ZBTB46: variants seen among roughly 807,000 people sequenced by gnomAD.
ZBTB46 encodes zinc finger and BTB domain-containing protein 46.
In ZBTB46, 8 loss-of-function variants were observed where a neutral mutation model predicts 44.1. The observed-to-expected ratio is 0.18, with a 90% CI of 0.11 to 0.33. The LOEUF (loss-of-function observed/expected upper bound fraction) is 0.33, where lower values mean the gene tolerates loss of function less well. ZBTB46 is among the 10% of genes least tolerant of loss of function. The probability of loss-of-function intolerance (pLI) is 1.00; values close to 1 mark genes in which losing one functional copy is unlikely to be tolerated. For synonymous variants in ZBTB46, 409 were observed against 382.3 expected (o/e 1.07, Z -0.81); for missense variants, 651 against 847.7 (o/e 0.77, Z 2.88).
At chr20:63,793,697 C>T (rs1451338016) in intron 1 of ZBTB46, among the ~76,000 whole-genome samples, 1 of 152,152 alleles carries the variant, frequency 6.6e-6, no homozygotes, top group Non-Finnish European at 1.5e-5. Flanking sequence ...CGGTCCACAC[C>T]TCCACGTAAG....
chr20:63,779,218 T>TATTTA (rs145975619), intron 2 of ZBTB46, among the ~76,000 whole-genome samples: 2 of 101,894 alleles, frequency 2.0e-5, no homozygotes, highest in African/African-American at 3.3e-5. Flanking sequence ...CACCCAATTT[T>TATTTA]ATTTTATTTA....
intron 3 of ZBTB46, among the ~76,000 whole-genome samples, chr20:63,763,086 T>C (rs1441090458): frequency 6.6e-6 from 1 of 152,168 alleles, no homozygotes; most frequent in East Asian, 1.9e-4. Flanking sequence ...TCTCAAACTC[T>C]TGGCCCCAAG....
At chr20:63,833,415 C>T (rs1421656673), upstream of ZBTB46, among the ~76,000 whole-genome samples, 3 of 152,158 alleles carry the variant, frequency 2.0e-5, no homozygotes, top group Non-Finnish European at 4.4e-5. Flanking sequence ...CACGGTGAAA[C>T]CCCGTCTCTA....
chr20:63,800,175 G>A (rs761118694), intron 1 of ZBTB46, among the ~76,000 whole-genome samples: 19 of 152,200 alleles, frequency 1.2e-4, no homozygotes, highest in Admixed American at 2.6e-4. Context: ...TCAGCCTTCC[G>A]TCCCCCTATA....
At chr20:63,762,852 T>A (rs560241947) in intron 3 of ZBTB46, among the ~76,000 whole-genome samples, 1 of 152,292 alleles carries the variant, frequency 6.6e-6, no homozygotes, top group South Asian at 2.1e-4. Flanking sequence ...GCTTGATTCA[T>A]CTTTTTCTTT....
At chr20:63,830,963 G>T in intron 1 of ZBTB46, 134 bp downstream of exon 1, 1 of 142,460 alleles carries the variant, frequency 7.0e-6, no homozygotes, top group Non-Finnish European at 1.6e-5. Context: ...GCGGGGCGGG[G>T]CGTGGCGGGG....
chr20:63,812,967 G>A (rs536031608), intron 1 of ZBTB46, among the ~76,000 whole-genome samples: 59 of 152,116 alleles, frequency 3.9e-4, no homozygotes, highest in Non-Finnish European at 4.1e-4. Context: ...GTGTGATGGC[G>A]CGTGCCTGTA....
rs551871182 is a variant in ZBTB46, at chr20:63,775,925, G to A, written c.975C>T (p.Asp325=). The change falls in exon 3 of 5, where the codon GAC becomes GAT. Residue 325 remains aspartate (D), a synonymous_variant. Transcript: ENST00000245663. ...DLSVTEASSS[D]SRGERAELYA... The stretch of plus-strand genomic sequence containing the variant: ...AGAGCTCGGCCCTCTCTCCTCGGCT[G>A]TCGGAGCTGCTGGCTTCGGTGACGG... 2 of 1,591,264 alleles carry A rather than the reference G, an allele frequency of 1.3e-6. No homozygotes were observed. The highest frequency in any genetic ancestry group is 1.1e-5 in the South Asian group (1 of 89,504).
At chr20:63,748,465 T>C (rs767871697) in intron 4 of ZBTB46, among the ~76,000 whole-genome samples, 1 of 152,006 alleles carries the variant, frequency 6.6e-6, no homozygotes, top group Non-Finnish European at 1.5e-5. Flanking sequence ...TGGGGAGAGG[T>C]GGCCCTTGTA....
chr20:63,774,859 A>G (rs947144930), intron 3 of ZBTB46, among the ~76,000 whole-genome samples: 2 of 150,926 alleles, frequency 1.3e-5, no homozygotes, highest in African/African-American at 4.9e-5. Flanking sequence ...GCCCGCCACC[A>G]CGCCCGGCTA....
At chr20:63,828,359 T>C (rs1334398663) in intron 1 of ZBTB46, among the ~76,000 whole-genome samples, 1 of 152,260 alleles carries the variant, frequency 6.6e-6, no homozygotes, top group Non-Finnish European at 1.5e-5. Context: ...GGCGGCGGCC[T>C]CTCAAAGCCC....
At chr20:63,771,442 G>A (rs984582756) in intron 3 of ZBTB46, among the ~76,000 whole-genome samples, 1 of 152,170 alleles carries the variant, frequency 6.6e-6, no homozygotes, top group African/African-American at 2.4e-5. Flanking sequence ...GCTCCCGCAC[G>A]GTGTTGAGAG....
At chr20:63,795,132 CCG>C (rs2092591368) in intron 1 of ZBTB46, among the ~76,000 whole-genome samples, 1 of 152,250 alleles carries the variant, frequency 6.6e-6, no homozygotes, top group South Asian at 2.1e-4. Flanking sequence ...CCTCCAAACA[CCG>C]CCTCAGCTTT....
intron 1 of ZBTB46, among the ~76,000 whole-genome samples, chr20:63,806,424 G>GAA (rs56746531): frequency 0.17 from 23,680 of 141,286 alleles, 2,577 homozygotes; most frequent in East Asian, 0.43. Context: ...AAAAAAAAAA[G>GAA]AAAGAAAAGA....
At chr20:63,830,152 C>G (rs1166623000) in intron 1 of ZBTB46, among the ~76,000 whole-genome samples, 1 of 152,236 alleles carries the variant, frequency 6.6e-6, no homozygotes. Context: ...GGTCTGTACC[C>G]TGGCTCCTCG....
chr20:63,818,223 C>T (rs1264606455), intron 1 of ZBTB46, among the ~76,000 whole-genome samples: 3 of 152,236 alleles, frequency 2.0e-5, no homozygotes, highest in Admixed American at 2.0e-4. Context: ...TCCACGCTGC[C>T]CCTGCCAGGT....
chr20:63,772,910 T>A (rs1039589041), intron 3 of ZBTB46, among the ~76,000 whole-genome samples: 3 of 152,036 alleles, frequency 2.0e-5, no homozygotes, highest in African/African-American at 7.2e-5. Flanking sequence ...CCGCGGCCAC[T>A]CCCTCCACGT....
intron 1 of ZBTB46, among the ~76,000 whole-genome samples, chr20:63,825,228 C>T (rs1325838984): frequency 1.3e-5 from 2 of 151,558 alleles, no homozygotes; most frequent in Non-Finnish European, 2.9e-5. Flanking sequence ...TGATGAAACC[C>T]CATCTCTACT....
chr20:63,793,688 G>C (rs995485669), intron 1 of ZBTB46, among the ~76,000 whole-genome samples: 1 of 152,090 alleles, frequency 6.6e-6, no homozygotes. Context: ...ACCTCACAAC[G>C]GTCCACACCT....
Sources: allele counts gnomAD v4.1 joint callset (sites outside exome capture counted in the v4.1 genomes callset), GRCh38; gene constraint gnomAD v4.1.1; transcripts MANE v1.5; gene names NCBI Gene and HGNC (gene_info 2026-07-23, HGNC 2026-07-21).